PDK3: variants seen among roughly 807,000 people sequenced by gnomAD.
The protein encoded by PDK3 is pyruvate dehydrogenase kinase 3, also known as pyruvate dehydrogenase kinase, isozyme 3.
PDK3 carries 12 observed loss-of-function variants against 32.0 expected under a neutral mutation model. The ratio of observed to expected loss-of-function variants is 0.37; its 90% CI spans 0.24 to 0.61. The LOEUF (loss-of-function observed/expected upper bound fraction) is 0.61, where lower values mean the gene tolerates loss of function less well. PDK3 is among the 20% of genes least tolerant of loss of function. PDK3 has a pLI of 0.65. For synonymous variants in PDK3, 122 were observed against 116.3 expected (o/e 1.05, Z -0.31); for missense variants, 188 against 316.9 (o/e 0.59, Z 3.09).
downstream of PDK3, among the ~76,000 whole-genome samples, chrX:24,536,631 G>C (rs1922782640): frequency 1.8e-5 from 2 of 111,513 alleles, no homozygotes; most frequent in Non-Finnish European, 3.8e-5. Context: ...TTGTTACTTT[G>C]ATATGTTTTA....
chrX:24,517,125 T>C (rs1197193289), intron 5 of PDK3, among the ~76,000 whole-genome samples: 1 of 111,173 alleles, frequency 9.0e-6, no homozygotes, highest in African/African-American at 3.3e-5. Context: ...AATGAGTGAA[T>C]TGTATGGCAT....
intron 1 of PDK3, among the ~76,000 whole-genome samples, chrX:24,478,617 A>G (rs1921171962): frequency 8.9e-6 from 1 of 112,079 alleles, no homozygotes; most frequent in Admixed American, 9.5e-5. Context: ...CTCAAGGAGA[A>G]CCCCATTCCT....
chrX:24,518,230 C>A (rs984896517), intron 5 of PDK3, among the ~76,000 whole-genome samples: 1 of 111,558 alleles, frequency 9.0e-6, no homozygotes, highest in African/African-American at 3.3e-5. Context: ...GCCTGTAATC[C>A]CAGCACTTTT....
Position 24,531,790 on chromosome X carries a change from A to G in PDK3, c.1077+20A>G. On this transcript the variant is annotated intron_variant, in intron 10 of 10. Transcript: ENST00000379162. ...TTGAAGGTACTGCGTTTTATTTGTT[A>G]GTATGAGGCATCTTTGCTTTTTAAA... The G allele has an allele frequency of 1.1e-6, 1 of 872,512 alleles. No homozygotes were observed. Among genetic ancestry groups the G allele is most frequent in the Non-Finnish European group, 1.7e-6 (1 of 591,671 alleles). The allele number at this position is 872,512 out of a possible 1,213,427, so 71.9% of individuals were successfully genotyped here.
At chrX:24,474,958 A>AAGATACTTTGG (rs1405460051) in intron 1 of PDK3, among the ~76,000 whole-genome samples, 1 of 111,965 alleles carries the variant, frequency 8.9e-6, no homozygotes, top group Non-Finnish European at 1.9e-5. Flanking sequence ...AACATATTTT[A>AAGATACTTTGG]AGATACTTTG....
Position 24,534,044 on chromosome X carries a change from A to G in PDK3, c.1193A>G (p.Asp398Gly), listed in dbSNP as rs765044068. Residue 398 changes from aspartate to glycine, a missense_variant, in exon 11 of 11, where the codon GAT (aspartate) becomes GGT (glycine). Physicochemically the swap from Asp to Gly is moderately conservative, Grantham distance 94. Coordinates refer to ENST00000379162, the MANE Select transcript of PDK3 (RefSeq NM_005391.5). ...DWSNPSSEPR[D>G]ASKYKAKQ is the part of the protein sequence containing the mutation. The stretch of plus-strand genomic sequence containing the variant: ...AGCAATCCCAGCAGTGAACCCAGGG[A>G]TGCTTCAAAATACAAAGCAAAACAG... The G allele has an allele frequency of 5.8e-6, 7 of 1,204,833 alleles. No individual in the cohort carries two copies. The Admixed American group carries it at 1.6e-4, about 27-fold the overall frequency.
intron 6 of PDK3, among the ~76,000 whole-genome samples, chrX:24,521,495 C>T (rs1922396674): frequency 1.8e-5 from 2 of 110,716 alleles, no homozygotes; most frequent in South Asian, 7.8e-4. Context: ...AAATATACTA[C>T]CAGGACCGAG....
chrX:24,518,744 G>A (rs1602121944), intron 5 of PDK3, among the ~76,000 whole-genome samples, 189 bp from the exon 6 acceptor site: 1 of 111,391 alleles, frequency 9.0e-6, no homozygotes, highest in Non-Finnish European at 1.9e-5. Context: ...AGCCACAAAA[G>A]GGTATTTTGT....
chrX:24,532,851 T>A (rs917818837), intron 10 of PDK3, among the ~76,000 whole-genome samples: 1 of 111,333 alleles, frequency 9.0e-6, no homozygotes, highest in Non-Finnish European at 1.9e-5. Flanking sequence ...GGCTCATTCT[T>A]TTAAACAGTG....
intron 1 of PDK3, among the ~76,000 whole-genome samples, chrX:24,485,015 A>G (rs1216288213): frequency 8.9e-6 from 1 of 111,751 alleles, no homozygotes; most frequent in African/African-American, 3.3e-5. Flanking sequence ...CCCTTGGGGA[A>G]TTTATCATTG....
At chrX:24,482,202 G>A (rs1270087858) in intron 1 of PDK3, among the ~76,000 whole-genome samples, 1 of 111,404 alleles carries the variant, frequency 9.0e-6, no homozygotes, top group Non-Finnish European at 1.9e-5. Context: ...CAGGTAGAGT[G>A]AGGTTTGTTT....
At chrX:24,524,863 AAAC>A (rs1387994368) in intron 6 of PDK3, among the ~76,000 whole-genome samples, 1 of 112,149 alleles carries the variant, frequency 8.9e-6, no homozygotes, top group Non-Finnish European at 1.9e-5. Flanking sequence ...GTGATTTTAA[AAAC>A]AACTGCTCAG....
chrX:24,525,072 G>A (rs1342706993), intron 6 of PDK3, among the ~76,000 whole-genome samples: 2 of 111,515 alleles, frequency 1.8e-5, no homozygotes, highest in Admixed American at 9.5e-5. Flanking sequence ...CAGGAGAATC[G>A]CTTGAACCCG....
chrX:24,486,124 A>T (rs983556963), intron 1 of PDK3, among the ~76,000 whole-genome samples: 1 of 111,593 alleles, frequency 9.0e-6, no homozygotes, highest in African/African-American at 3.3e-5. Flanking sequence ...TTCCTTCTGG[A>T]GTCTGGGCAG....
intron 3 of PDK3, among the ~76,000 whole-genome samples, chrX:24,502,293 C>T (rs1921877188): frequency 9.0e-6 from 1 of 111,265 alleles, no homozygotes; most frequent in Non-Finnish European, 1.9e-5. Flanking sequence ...AATTGTTAGC[C>T]CGCTGTTCCA....
At chrX:24,499,248 A>G (rs1361975874) in intron 3 of PDK3, among the ~76,000 whole-genome samples, 1 of 110,700 alleles carries the variant, frequency 9.0e-6, no homozygotes, top group Non-Finnish European at 1.9e-5. Flanking sequence ...TATCTACTCA[A>G]TCCTTTACAA....
intron 1 of PDK3, among the ~76,000 whole-genome samples, chrX:24,473,400 C>CA (rs915993287): frequency 1.8e-5 from 2 of 109,029 alleles, no homozygotes; most frequent in African/African-American, 6.7e-5. Flanking sequence ...CAAACAAAAA[C>CA]AAAAAAACCA....
At chrX:24,485,752 A>G (rs1921382967) in intron 1 of PDK3, among the ~76,000 whole-genome samples, 1 of 111,644 alleles carries the variant, frequency 9.0e-6, no homozygotes, top group African/African-American at 3.3e-5. Flanking sequence ...ATTAGCGCCC[A>G]CTGAAAAGCC....
intron 1 of PDK3, among the ~76,000 whole-genome samples, chrX:24,488,437 C>G (rs181748413): frequency 1.9e-3 from 214 of 112,299 alleles, no homozygotes; most frequent in African/African-American, 6.6e-3. Flanking sequence ...GCCTGTAATC[C>G]TAGAACTTTG....
Sources: gnomAD v4.1 joint callset for allele counts (sites outside exome capture counted in the v4.1 genomes callset) on GRCh38, gnomAD v4.1.1 for gene constraint, MANE v1.5 for transcripts, NCBI Gene and HGNC (gene_info 2026-07-23, HGNC 2026-07-21) for gene names.